Variants in RGPD4 observed in about 807,000 individuals in gnomAD.
RGPD4 encodes RANBP2 like and GRIP domain containing 4, also known as ranBP2-like and GRIP domain-containing protein 4.
In RGPD4, 84 loss-of-function variants were observed where a neutral mutation model predicts 141.1. That is an observed-to-expected ratio of 0.60 (90% CI 0.50 to 0.71). The LOEUF (loss-of-function observed/expected upper bound fraction) is 0.71. Among genes scored for constraint, RGPD4 ranks in the 30% least tolerant of loss-of-function variants. The pLI, the probability that RGPD4 is intolerant of heterozygous loss-of-function variation, is 0.00. For synonymous variants in RGPD4, 298 were observed against 566.8 expected, an observed-to-expected ratio of 0.53 and a Z score of 6.74; for missense variants, 918 against 1,622.4, an observed-to-expected ratio of 0.57 and a Z score of 7.46.
chr2:107,829,690 C>A (rs999722943), intron 1 of RGPD4, among the ~76,000 whole-genome samples: 10 of 152,136 alleles, frequency 6.6e-5, no homozygotes, highest in African/African-American at 2.4e-4. Context: ...CCTGGGGGGA[C>A]CGCGGCGGGC....
At chr2:107,829,655 T>G (rs1462616377) in intron 1 of RGPD4, among the ~76,000 whole-genome samples, 1 of 152,098 alleles carries the variant, frequency 6.6e-6, no homozygotes, top group Admixed American at 6.5e-5. Context: ...GTGGGCGGCG[T>G]GGCACTTGCG....
At chr2:107,890,524 G>A (rs1675625621) in intron 22 of RGPD4, among the ~76,000 whole-genome samples, 197 bp from the exon 23 acceptor site, 1 of 116,676 alleles carries the variant, frequency 8.6e-6, no homozygotes, top group African/African-American at 3.4e-5. Flanking sequence ...ACTCCAGCCT[G>A]GGTGACAGAG....
At chr2:107,845,855 C>T (rs1163220230) in intron 6 of RGPD4, among the ~76,000 whole-genome samples, 49 of 151,808 alleles carry the variant, frequency 3.2e-4, no homozygotes, top group African/African-American at 3.2e-4. Flanking sequence ...TGAGCCACCG[C>T]GCCCAGCCCA....
At chr2:107,863,070 C>G in intron 17 of RGPD4, 38 bp downstream of exon 17, 1 of 1,362,318 alleles carries the variant, frequency 7.3e-7, no homozygotes, top group Non-Finnish European at 9.9e-7. Context: ...CTTTTTATTC[C>G]AAGATTCCTT....
rs1682910196 is a variant in RGPD4 at position 107,871,339 on chromosome 2, A to T, written c.3335A>T (p.His1112Leu). ...REQVLKVCANHWITTTMNLKP... is the reference protein window; with the variant it reads ...REQVLKVCANLWITTTMNLKP... The stretch of plus-strand genomic sequence containing the variant: ...CAAGTACTAAAAGTGTGTGCTAATC[A>T]TTGGATAACGACTACAATGAACCTG... Residue 1112 changes from histidine (H) to leucine (L), a missense_variant, in exon 20 of 23, where the codon CAT becomes CTT. By Grantham distance (99) the His-to-Leu change is moderately conservative (BLOSUM62 -3). Transcript: ENST00000408999. 6.3e-7 allele frequency: 1 copy of T among 1,595,072 alleles called. No individual in the cohort carries two copies. Among genetic ancestry groups the T allele is most frequent in the Non-Finnish European group, 8.5e-7 (1 of 1,176,068 alleles).
intron 7 of RGPD4, 150 bp from the exon 8 acceptor site, chr2:107,854,406 C>T (rs1682232886): frequency 5.9e-6 from 4 of 681,870 alleles, no homozygotes; most frequent in Non-Finnish European, 1.0e-5. Context: ...TTCCTTGGTT[C>T]CCAGTTTTTG....
chr2:107,828,613 C>A (rs1234987662), intron 1 of RGPD4, among the ~76,000 whole-genome samples: 1 of 117,048 alleles, frequency 8.5e-6, no homozygotes, highest in African/African-American at 3.6e-5. Flanking sequence ...GCGGCGGCGG[C>A]CTCGACCTGG....
Position 107,859,461 on chromosome 2 carries a change from T to C in RGPD4, c.1541T>C (p.Leu514Ser). ...TCTCACCACAGCTCCTATCAGCCGT[T>C]ATGCCTGCCCCTTCCTGTATGTAAA... is the stretch of plus-strand genomic sequence containing the variant. ...CNSHHSSYQP[L>S]CLPLPVCKQL... The change falls in exon 11 of 23, where the codon TTA becomes TCA. Residue 514 changes from leucine to serine, a missense_variant. By Grantham distance (145) the Leu-to-Ser change is moderately radical. Coordinates refer to ENST00000408999, the MANE Select transcript of RGPD4 (RefSeq NM_182588.3). 1 of 1,611,318 alleles carries C rather than the reference T, an allele frequency of 6.2e-7. No homozygotes were observed. The highest frequency in any genetic ancestry group is 1.1e-5 in the South Asian group (1 of 90,974).
At chr2:107,849,489 C>G (rs1682061203) in intron 7 of RGPD4, among the ~76,000 whole-genome samples, 1 of 117,122 alleles carries the variant, frequency 8.5e-6, no homozygotes, top group Non-Finnish European at 1.7e-5. Context: ...GCCTCAGCCT[C>G]CTGAGTAGCT....
intron 1 of RGPD4, among the ~76,000 whole-genome samples, chr2:107,828,618 ACC>A: frequency 9.7e-6 from 1 of 102,682 alleles, no homozygotes; most frequent in Non-Finnish European, 2.0e-5. Context: ...GGCGGCCTCG[ACC>A]TGGCCCGGCG....
chr2:107,827,005 G>A lies in RGPD4; in HGVS notation c.-9G>A, dbSNP rs1267916495. The A allele has an allele frequency of 5.3e-5, 85 of 1,596,858 alleles. No homozygotes were observed. The highest frequency in any genetic ancestry group is 7.1e-5 in the Non-Finnish European group (83 of 1,173,408). The stretch of plus-strand genomic sequence containing the variant: ...TTTCACGCGTCTCGGGAGCCAGGTT[G>A]GTGGCGCGATGAGTTGCAGCAAGGC... On this transcript the variant is annotated 5_prime_UTR_variant, in exon 1 of 23. Transcript: ENST00000408999.
intron 1 of RGPD4, among the ~76,000 whole-genome samples, chr2:107,836,376 G>T (rs1288850521): frequency 9.8e-6 from 1 of 102,522 alleles, no homozygotes; most frequent in East Asian, 2.2e-4. Flanking sequence ...GCCTCCCAAA[G>T]TGCTGGGATT....
chr2:107,880,169 C>T (rs1188445650), intron 21 of RGPD4, 62 bp downstream of exon 21: 4 of 1,597,230 alleles, frequency 2.5e-6, no homozygotes, highest in South Asian at 2.2e-5. Context: ...ACCCTCCATA[C>T]ACATGTACCC....
chr2:107,858,668 G>C (rs1222797196), intron 9 of RGPD4, among the ~76,000 whole-genome samples: 2 of 150,542 alleles, frequency 1.3e-5, no homozygotes, highest in Admixed American at 6.7e-5. Flanking sequence ...TCGAACTCCT[G>C]ACTGCGCATA....
At chr2:107,886,835 T>C (rs1419033048) in intron 22 of RGPD4, among the ~76,000 whole-genome samples, 1 of 152,092 alleles carries the variant, frequency 6.6e-6, no homozygotes, top group African/African-American at 2.4e-5. Flanking sequence ...AGCAAATGTT[T>C]ATAATCTCTG....
chr2:107,829,896 A>G (rs924298670), intron 1 of RGPD4, among the ~76,000 whole-genome samples: 9 of 150,714 alleles, frequency 6.0e-5, no homozygotes, highest in African/African-American at 1.7e-4. Context: ...CATTTACTTT[A>G]TATGCTGCGG....
In RGPD4 at chr2:107,827,000, A is replaced by G; in HGVS notation, c.-14A>G. Reference sequence around the variant, plus strand: ...GCTGGTTTCACGCGTCTCGGGAGCCAGGTTGGTGGCGCGATGAGTTGCAGC... The same window carrying G: ...GCTGGTTTCACGCGTCTCGGGAGCCGGGTTGGTGGCGCGATGAGTTGCAGC... On this transcript the variant is annotated 5_prime_UTR_variant, in exon 1 of 23. Coordinates refer to ENST00000408999, the MANE Select transcript of RGPD4 (RefSeq NM_182588.3). The G allele has an allele frequency of 6.3e-7, 1 of 1,595,426 alleles. No individual in the cohort carries two copies. Among genetic ancestry groups the G allele is most frequent in the East Asian group, 2.3e-5 (1 of 44,120 alleles).
rs750255182 is a variant in RGPD4, at chr2:107,871,824, G to A, written c.3820G>A (p.Ala1274Thr). The A allele has an allele frequency of 1.2e-6, 2 of 1,611,530 alleles. No homozygotes were observed. The highest frequency in any genetic ancestry group is 2.2e-5 in the East Asian group (1 of 44,868). ...TAGCTCAGTACATGCTTCTCCATTG[G>A]CAAGTAGCCCTGTGAGAAAAAATCT... Reference protein sequence around the residue: ...SSSSVHASPLASSPVRKNLFH... With the variant: ...SSSSVHASPLTSSPVRKNLFH... The change falls in exon 20 of 23, where the codon GCA (alanine) becomes ACA (threonine). Residue 1274 changes from alanine to threonine, a missense_variant. Coordinates refer to ENST00000408999, the MANE Select transcript of RGPD4 (RefSeq NM_182588.3).
intron 17 of RGPD4, 35 bp from the exon 18 acceptor site, chr2:107,866,155 G>T: frequency 1.8e-6 from 1 of 565,418 alleles, no homozygotes; most frequent in Non-Finnish European, 3.0e-6. Context: ...ATAATTAAAT[G>T]ATTAAAATTA....
Sources: gnomAD v4.1 joint callset for allele counts (sites outside exome capture counted in the v4.1 genomes callset) on GRCh38, gnomAD v4.1.1 for gene constraint, MANE v1.5 for transcripts, NCBI Gene and HGNC (gene_info 2026-07-23, HGNC 2026-07-21) for gene names.